Variants in ZMYND11 observed in about 807,000 individuals in gnomAD.
ZMYND11 encodes zinc finger MYND domain-containing protein 11.
ZMYND11 carries 9 observed loss-of-function variants against 84.9 expected under a neutral mutation model. The observed-to-expected ratio is 0.11, with a 90% CI of 0.06 to 0.18. The LOEUF is 0.18. Among genes scored for constraint, ZMYND11 ranks in the 10% least tolerant of loss-of-function variants. ZMYND11 has a pLI of 1.00. For missense variants in ZMYND11, 409 were observed against 761.0 expected (o/e 0.54, Z 5.44); for synonymous variants, 250 against 244.1 (o/e 1.02, Z -0.23).
At chr10:201,997 T>A (rs1375000259) in intron 2 of ZMYND11, among the ~76,000 whole-genome samples, 1 of 152,194 alleles carries the variant, frequency 6.6e-6, no homozygotes, top group African/African-American at 2.4e-5. Flanking sequence ...TAAGCAGTTA[T>A]AAGAAAATGA....
chr10:243,407 CTAATA>C (rs1951448026), intron 10 of ZMYND11, among the ~76,000 whole-genome samples: 1 of 152,114 alleles, frequency 6.6e-6, no homozygotes, highest in Non-Finnish European at 1.5e-5. Flanking sequence ...TATAGCCATA[CTAATA>C]GGTAAGAATA....
At chr10:175,663 T>C (rs1282628728) in intron 1 of ZMYND11, among the ~76,000 whole-genome samples, 2 of 152,160 alleles carry the variant, frequency 1.3e-5, no homozygotes, top group Non-Finnish European at 2.9e-5. Context: ...AAAGCAATGA[T>C]AAAGGAATAC....
intron 4 of ZMYND11, among the ~76,000 whole-genome samples, chr10:228,104 A>C (rs1157318687): frequency 6.6e-6 from 1 of 152,224 alleles, no homozygotes; most frequent in African/African-American, 2.4e-5. Context: ...AGGAAAAAAT[A>C]ATGGGAACAC....
At chr10:224,599 C>G (rs1198532996) in intron 4 of ZMYND11, among the ~76,000 whole-genome samples, 2 of 152,108 alleles carry the variant, frequency 1.3e-5, no homozygotes, top group Non-Finnish European at 2.9e-5. Flanking sequence ...AAACCGTATT[C>G]CATAGTAGGT....
chr10:205,308 T>C (rs1378597226), intron 2 of ZMYND11, among the ~76,000 whole-genome samples: 1 of 152,232 alleles, frequency 6.6e-6, no homozygotes, highest in Non-Finnish European at 1.5e-5. Context: ...TATAGCTGTC[T>C]CCCTGTAGCA....
At chr10:242,176 G>C (rs1951091916) in intron 10 of ZMYND11, 37 bp downstream of exon 10, 1 of 1,607,466 alleles carries the variant, frequency 6.2e-7, no homozygotes, top group Non-Finnish European at 8.5e-7. Context: ...TCACAGCTGT[G>C]CTTATGAAGT....
rs527690200 is a variant in ZMYND11, at chr10:144,917, C to A, written c.-20+9358C>A. Among the ~76,000 whole-genome samples the A allele has an allele frequency of 6.0e-5, 9 of 150,506 alleles. No homozygotes were observed. The South Asian group carries it at 1.9e-3, about 31-fold the overall frequency. ...TTAAAGAGATTTTTAAAATTTCTTA[C>A]TCCTCTTCCACTCTTCCCCATTCTG... is the stretch of plus-strand genomic sequence containing the variant. On this transcript the variant is annotated intron_variant, in intron 1 of 14. Transcript: ENST00000381604.
chr10:249,249 T>A (rs1952825730), intron 14 of ZMYND11, 161 bp downstream of exon 14: 1 of 1,453,748 alleles, frequency 6.9e-7, no homozygotes, highest in Non-Finnish European at 9.0e-7. Context: ...TTAAAAGTCC[T>A]ATGATCTCTC....
rs1053967935 is a variant in ZMYND11 at position 248,478 on chromosome 10, C to T, written c.1370C>T (p.Thr457Ile). ...AGAATGCTGCATCGGAGCACCCAGA[C>T]CACAAACGACGGCGTGTGTCAGAGC... ...SPRMLHRSTQ[T>I]TNDGVCQSMC... is the part of the protein sequence containing the mutation. The change falls in exon 13 of 15, where the codon ACC (threonine) becomes ATC (isoleucine). Residue 457 changes from threonine (T) to isoleucine (I), a missense_variant. Transcript: ENST00000381604. 21 of 1,614,050 alleles carry T rather than the reference C, an allele frequency of 1.3e-5. No homozygotes were observed. The highest frequency in any genetic ancestry group is 1.7e-5 in the Non-Finnish European group (20 of 1,180,046).
intron 1 of ZMYND11, among the ~76,000 whole-genome samples, chr10:136,271 C>T (rs1470991937): frequency 1.3e-5 from 2 of 152,176 alleles, no homozygotes; most frequent in Non-Finnish European, 2.9e-5. Flanking sequence ...CTTTCACTTG[C>T]AGTCTCTCCT....
At chr10:230,778 T>A (rs1948897271) in intron 4 of ZMYND11, among the ~76,000 whole-genome samples, 3 of 152,194 alleles carry the variant, frequency 2.0e-5, no homozygotes, top group South Asian at 2.1e-4. Flanking sequence ...GTCCTCATAT[T>A]CTTGAGTTTA....
chr10:171,051 G>A (rs1349277895), intron 1 of ZMYND11, among the ~76,000 whole-genome samples: 7 of 152,114 alleles, frequency 4.6e-5, no homozygotes, highest in African/African-American at 1.4e-4. Context: ...GGACTTCAGA[G>A]GTAGGGAAGT....
chr10:165,940 A>T (rs1447246920), intron 1 of ZMYND11, among the ~76,000 whole-genome samples: 2 of 152,146 alleles, frequency 1.3e-5, no homozygotes, highest in African/African-American at 4.8e-5. Flanking sequence ...TTTAGAGTTC[A>T]GAAATAAACC....
At chr10:131,825 G>C (rs1174531347), upstream of ZMYND11, among the ~76,000 whole-genome samples, 2 of 152,060 alleles carry the variant, frequency 1.3e-5, no homozygotes, top group Admixed American at 1.3e-4. Context: ...ACTATTCCTG[G>C]CTGAAAGTTT....
intron 1 of ZMYND11, among the ~76,000 whole-genome samples, chr10:170,427 T>C (rs896271660): frequency 2.7e-4 from 10 of 36,932 alleles, no homozygotes; most frequent in Admixed American, 4.4e-4. Flanking sequence ...TTTGATTATG[T>C]GTGCGTGTGT....
intron 4 of ZMYND11, among the ~76,000 whole-genome samples, chr10:230,373 T>C (rs575855139): frequency 6.8e-6 from 1 of 147,790 alleles, no homozygotes; most frequent in African/African-American, 2.5e-5. Context: ...CTCAGGAGGC[T>C]GAGGCAGAAA....
At chr10:233,473 A>G (rs1320243617) in intron 4 of ZMYND11, among the ~76,000 whole-genome samples, 1 of 152,222 alleles carries the variant, frequency 6.6e-6, no homozygotes, top group East Asian at 1.9e-4. Context: ...AAGGGTTCCC[A>G]GGTGGTCCTA....
upstream of ZMYND11, among the ~76,000 whole-genome samples, chr10:133,756 A>T (rs1436763263): frequency 6.6e-6 from 1 of 152,172 alleles, no homozygotes; most frequent in Non-Finnish European, 1.5e-5. Context: ...TTCTTCTGAC[A>T]CGTTTTAACC....
At chr10:131,439 T>G (rs1835310656), upstream of ZMYND11, among the ~76,000 whole-genome samples, 2 of 152,196 alleles carry the variant, frequency 1.3e-5, no homozygotes, top group Non-Finnish European at 2.9e-5. Flanking sequence ...GCAAGCACTG[T>G]CAGCTCAGCT....
Sources: gnomAD v4.1 joint callset for allele counts (sites outside exome capture counted in the v4.1 genomes callset) on GRCh38, gnomAD v4.1.1 for gene constraint, MANE v1.5 for transcripts, NCBI Gene and HGNC (gene_info 2026-07-23, HGNC 2026-07-21) for gene names.